PEX14: variants seen among roughly 807,000 people sequenced by gnomAD.
PEX14 encodes the protein peroxisomal biogenesis factor 14.
Under a neutral mutation model 49.5 loss-of-function variants are expected in PEX14, and 15 were observed. The ratio of observed to expected loss-of-function variants is 0.30; its 90% CI spans 0.20 to 0.47. The LOEUF is 0.47. Among genes scored for constraint, PEX14 ranks in the 20% least tolerant of loss-of-function variants. PEX14 has a pLI of 1.00. For missense variants in PEX14, 398 were observed against 494.8 expected (o/e 0.80, Z 1.86); for synonymous variants, 210 against 212.7 (o/e 0.99, Z 0.11).
chr1:10,510,296 T>G (rs1210349438), intron 2 of PEX14, among the ~76,000 whole-genome samples: 2 of 152,242 alleles, frequency 1.3e-5, no homozygotes, highest in Non-Finnish European at 2.9e-5. Flanking sequence ...TGTATTTTCC[T>G]TTGAGGTTCC....
At chr1:10,547,840 A>G (rs1379482894) in intron 3 of PEX14, among the ~76,000 whole-genome samples, 1 of 152,148 alleles carries the variant, frequency 6.6e-6, no homozygotes, top group Non-Finnish European at 1.5e-5. Flanking sequence ...TTTGTTAGCA[A>G]CTGTAATGAT....
intron 5 of PEX14, among the ~76,000 whole-genome samples, chr1:10,619,833 C>T (rs973230709): frequency 1.3e-5 from 2 of 151,540 alleles, no homozygotes; most frequent in South Asian, 2.1e-4. Context: ...GGGCTGGGCG[C>T]GGTGGCTCAC....
At position 10,596,770 on chromosome 1, in the gene PEX14, T is replaced by C. The variant is rs6673483; in HGVS notation, c.170-2468T>C. Reference sequence around the variant, plus strand: ...GTGAGATTGTTAAAACGCTTACTTTTAAAAAGAAGAGAAAGGATTCATTTA... The same window carrying C: ...GTGAGATTGTTAAAACGCTTACTTTCAAAAAGAAGAGAAAGGATTCATTTA... On this transcript the variant is annotated intron_variant, in intron 3 of 8. Transcript: ENST00000356607. Among the ~76,000 whole-genome samples the C allele has an allele frequency of 9.0e-3, 1,375 of 152,270 alleles. 28 individuals are homozygous for C. The highest frequency in any genetic ancestry group is 0.031 in the African/African-American group (1,293 of 41,546).
intron 1 of PEX14, among the ~76,000 whole-genome samples, chr1:10,483,348 T>C (rs979699445): frequency 9.9e-5 from 15 of 152,186 alleles, no homozygotes; most frequent in African/African-American, 3.4e-4. Context: ...GATGGAGTCT[T>C]GCTCTGTCTC....
In PEX14 at chr1:10,602,420, CTTAAAAAAAAAAAAA is replaced by C. The variant is rs1458378180; in HGVS notation, c.298+3055_298+3069del. ...CTTTTGCCAAGAGGTGTCAAAACTGCTTAAAAAAAAAAAAAGCTTGATTTTGATTAATATAGAGAA... is the reference window on the plus strand; with the variant it reads ...CTTTTGCCAAGAGGTGTCAAAACTGCGCTTGATTTTGATTAATATAGAGAA... On this transcript the variant is annotated intron_variant, in intron 4 of 8. Transcript: ENST00000356607. 5.4e-5 allele frequency among the ~76,000 whole-genome samples: 8 copies of C among 148,030 alleles called. No homozygotes were observed. The South Asian group carries it at 1.1e-3, about 20-fold the overall frequency.
chr1:10,562,914 C>CTTTT (rs35438761), intron 3 of PEX14, among the ~76,000 whole-genome samples: 2 of 146,010 alleles, frequency 1.4e-5, no homozygotes, highest in Non-Finnish European at 1.5e-5. Context: ...TTCTTTCTTT[C>CTTTT]TTTTCTTTTT....
At chr1:10,559,823 A>G (rs1639598799) in intron 3 of PEX14, among the ~76,000 whole-genome samples, 3 of 152,194 alleles carry the variant, frequency 2.0e-5, no homozygotes, top group Non-Finnish European at 2.9e-5. Context: ...ATTGTGGTAA[A>G]GGATGGAACA....
At position 10,512,346 on chromosome 1, in the gene PEX14, G is replaced by A. The variant is rs72869164; in HGVS notation, c.84+17025G>A. Among the ~76,000 whole-genome samples the A allele has an allele frequency of 7.3e-3, 1,114 of 152,294 alleles. 15 individuals are homozygous for A. Among genetic ancestry groups the A allele is most frequent in the African/African-American group, 0.025 (1,049 of 41,572 alleles). On this transcript the variant is annotated intron_variant, in intron 2 of 8. Coordinates refer to ENST00000356607, the MANE Select transcript of PEX14 (RefSeq NM_004565.3). This position sits in a 1 kb window ranked among gnomAD's most constrained non-coding sequence, Gnocchi z 4.6. Reference sequence around the variant, plus strand: ...ACCCAACACTGTGGCACTTGACTAAGTCACCTGATTGATGACATGAGCATT... The same window carrying A: ...ACCCAACACTGTGGCACTTGACTAAATCACCTGATTGATGACATGAGCATT...
chr1:10,533,812 C>G (rs887079286), intron 2 of PEX14, among the ~76,000 whole-genome samples: 1 of 152,102 alleles, frequency 6.6e-6, no homozygotes, highest in Non-Finnish European at 1.5e-5. Context: ...TCCGATGGAT[C>G]CGTTTTGCCT....
chr1:10,509,082 G>A (rs1046982550), intron 2 of PEX14, among the ~76,000 whole-genome samples: 10 of 152,108 alleles, frequency 6.6e-5, no homozygotes, highest in Admixed American at 2.6e-4. Flanking sequence ...GACTACAGGC[G>A]CCCGCCGCCA....
chr1:10,567,651 C>T (rs1316916966), intron 3 of PEX14, among the ~76,000 whole-genome samples: 2 of 152,038 alleles, frequency 1.3e-5, no homozygotes, highest in African/African-American at 4.8e-5. Context: ...TGCACCACCA[C>T]GCCGGGCTAA....
chr1:10,489,880 C>T (rs964724027), intron 1 of PEX14, among the ~76,000 whole-genome samples: 5 of 152,188 alleles, frequency 3.3e-5, no homozygotes, highest in Admixed American at 2.0e-4. Flanking sequence ...TTTCAGGGAT[C>T]GTAGTCCTGC....
chr1:10,607,909 G>A (rs542564354), intron 4 of PEX14, among the ~76,000 whole-genome samples: 1 of 151,932 alleles, frequency 6.6e-6, no homozygotes, highest in Admixed American at 6.5e-5. Flanking sequence ...TTCCTTTTAT[G>A]ATTCATGGTT....
chr1:10,559,570 G>A (rs1375618490), intron 3 of PEX14, among the ~76,000 whole-genome samples: 2 of 152,132 alleles, frequency 1.3e-5, no homozygotes, highest in African/African-American at 2.4e-5. Context: ...GGGGGCTGGC[G>A]GTCCATTGCC....
chr1:10,613,803 A>C lies in PEX14; in HGVS notation c.299-4529A>C, dbSNP rs1162625003. Among the ~76,000 whole-genome samples, 1 of 152,208 alleles carries C rather than the reference A, an allele frequency of 6.6e-6. No homozygotes were observed. Among genetic ancestry groups the C allele is most frequent in the Non-Finnish European group, 1.5e-5 (1 of 68,028 alleles). On this transcript the variant is annotated intron_variant, in intron 4 of 8. Transcript: ENST00000356607. This position sits in a 1 kb window ranked among gnomAD's most constrained non-coding sequence, Gnocchi z 5.0. The stretch of plus-strand genomic sequence containing the variant: ...TGGTGGCATGAGGGTTTCTGACCCC[A>C]GGCTTGTTGCCCACTTGCTACCTTG...
At chr1:10,618,448 T>A in intron 5 of PEX14, 31 bp downstream of exon 5, 1 of 1,498,044 alleles carries the variant, frequency 6.7e-7, no homozygotes, top group African/African-American at 1.4e-5. Context: ...GCAGGTGCTG[T>A]GCCCCTGCCA....
intron 2 of PEX14, among the ~76,000 whole-genome samples, chr1:10,500,396 A>AT (rs1179859501): frequency 6.6e-6 from 1 of 150,770 alleles, no homozygotes; most frequent in Non-Finnish European, 1.5e-5. Context: ...AAAAAAAAAA[A>AT]AAAAAAGAAA....
At chr1:10,619,423 T>C (rs35568848) in intron 5 of PEX14, among the ~76,000 whole-genome samples, 4 of 151,780 alleles carry the variant, frequency 2.6e-5, no homozygotes, top group African/African-American at 9.7e-5. Flanking sequence ...TTCAAGCAAT[T>C]CTCCTGTCTC....
At chr1:10,601,262 CA>C (rs58910333) in intron 4 of PEX14, among the ~76,000 whole-genome samples, 1,524 of 57,026 alleles carry the variant, frequency 0.027, 14 homozygotes, top group East Asian at 0.06. Context: ...GACTCTGTCT[CA>C]AAAAAAAAAA....
Sources: gnomAD v4.1 joint callset for allele counts (sites outside exome capture counted in the v4.1 genomes callset) on GRCh38, gnomAD v4.1.1 for gene constraint, Gnocchi (gnomAD v3.1) non-coding constraint, MANE v1.5 for transcripts, NCBI Gene and HGNC (gene_info 2026-07-23, HGNC 2026-07-21) for gene names.